Variants in ABHD12 observed in about 807,000 individuals in gnomAD.
ABHD12 encodes lysophosphatidylserine lipase ABHD12.
In ABHD12, 43 loss-of-function variants were observed where a neutral mutation model predicts 58.3. That is an observed-to-expected ratio of 0.74 (90% CI 0.58 to 0.95). The LOEUF (loss-of-function observed/expected upper bound fraction) is 0.95, where lower values mean the gene tolerates loss of function less well. ABHD12 is among the 40% of genes least tolerant of loss of function. ABHD12 has a pLI of 0.00. For missense variants in ABHD12, 539 were observed against 537.2 expected (o/e 1.00, Z -0.03); for synonymous variants, 219 against 211.2 (o/e 1.04, Z -0.32).
chr20:25,340,435 T>C (rs1490846804), intron 1 of ABHD12, among the ~76,000 whole-genome samples: 4 of 152,236 alleles, frequency 2.6e-5, no homozygotes, highest in African/African-American at 9.6e-5. Flanking sequence ...CCACATATCA[T>C]GTGTCATCTG....
intron 2 of ABHD12, among the ~76,000 whole-genome samples, chr20:25,326,896 C>G (rs2089185692): frequency 6.6e-6 from 1 of 152,186 alleles, no homozygotes; most frequent in African/African-American, 2.4e-5. Flanking sequence ...GAATTGCACT[C>G]CTTACCTTAG....
intron 1 of ABHD12, among the ~76,000 whole-genome samples, chr20:25,360,535 C>T (rs539921432): frequency 2.0e-5 from 3 of 151,978 alleles, no homozygotes; most frequent in East Asian, 1.9e-4. Context: ...CACCATGCCC[C>T]GGCCACACAT....
downstream of ABHD12, chr20:25,300,119 G>A: frequency 2.3e-6 from 2 of 866,008 alleles, no homozygotes; most frequent in Non-Finnish European, 2.8e-6. Context: ...CTGAGTCATG[G>A]AGTGGCTCCA....
At chr20:25,387,397 C>T (rs766589826) in intron 1 of ABHD12, among the ~76,000 whole-genome samples, 1 of 151,304 alleles carries the variant, frequency 6.6e-6, no homozygotes, top group South Asian at 2.1e-4. Context: ...CCCATCTCTA[C>T]AAAAAATACA....
chr20:25,345,063 G>A (rs1346471552), intron 1 of ABHD12, among the ~76,000 whole-genome samples: 3 of 151,680 alleles, frequency 2.0e-5, no homozygotes, highest in Non-Finnish European at 4.4e-5. Context: ...AAAAAATTTA[G>A]GTGAACTTGG....
intron 6 of ABHD12, among the ~76,000 whole-genome samples, chr20:25,314,544 T>C (rs1390871663): frequency 6.6e-6 from 1 of 151,992 alleles, no homozygotes; most frequent in Non-Finnish European, 1.5e-5. Context: ...GCGGGTGTGG[T>C]GTCGCATTCC....
intron 1 of ABHD12, among the ~76,000 whole-genome samples, chr20:25,374,204 G>A (rs1287670005): frequency 2.6e-5 from 4 of 152,114 alleles, no homozygotes; most frequent in African/African-American, 9.7e-5. Flanking sequence ...AGGATTACAG[G>A]TGTGCTGGGA....
At chr20:25,326,515 T>C (rs1222145304) in intron 2 of ABHD12, among the ~76,000 whole-genome samples, 1 of 152,228 alleles carries the variant, frequency 6.6e-6, no homozygotes, top group East Asian at 1.9e-4. Flanking sequence ...AACCCATGGC[T>C]GGACTCAGCT....
intron 1 of ABHD12, among the ~76,000 whole-genome samples, chr20:25,361,418 CAG>C (rs2089746136): frequency 6.6e-6 from 1 of 151,732 alleles, no homozygotes; most frequent in African/African-American, 2.4e-5. Context: ...TTTTTTGAGA[CAG>C]AGTCTCACTT....
rs376229046 is a variant in ABHD12, at chr20:25,320,189, T to C, written c.542+10A>G. On this transcript the variant is annotated intron_variant, in intron 4 of 12. Coordinates refer to ENST00000339157, the MANE Select transcript of ABHD12 (RefSeq NM_001042472.3). Reference sequence around the variant, plus strand: ...CTCCACAGCAAAGATGATGGGCTCCTCTCCCTCACCTGGTACCTGCGTTCC... The same window carrying C: ...CTCCACAGCAAAGATGATGGGCTCCCCTCCCTCACCTGGTACCTGCGTTCC... 1 of 1,613,656 alleles carries C rather than the reference T, an allele frequency of 6.2e-7. No homozygotes were observed. The highest frequency in any genetic ancestry group is 8.5e-7 in the Non-Finnish European group (1 of 1,180,000).
chr20:25,310,951 AC>A (rs1475869841), intron 6 of ABHD12, among the ~76,000 whole-genome samples: 5 of 152,168 alleles, frequency 3.3e-5, no homozygotes, highest in African/African-American at 1.2e-4. Flanking sequence ...GGAAGAAGCC[AC>A]TCATTCTCCC....
chr20:25,352,180 TGAG>T (rs921269777), intron 1 of ABHD12, among the ~76,000 whole-genome samples: 27 of 150,768 alleles, frequency 1.8e-4, no homozygotes, highest in African/African-American at 6.6e-4. Flanking sequence ...TTAGTAGAGA[TGAG>T]GTTTCACCAC....
At chr20:25,387,590 T>TAAAAAAAAA (rs57449867) in intron 1 of ABHD12, among the ~76,000 whole-genome samples, 6 of 113,046 alleles carry the variant, frequency 5.3e-5, no homozygotes, top group African/African-American at 6.8e-5. Context: ...TCATCTCTAT[T>TAAAAAAAAA]AAAAAAAAAA....
At chr20:25,389,033 T>C (rs2090134162) in intron 1 of ABHD12, among the ~76,000 whole-genome samples, 1 of 152,178 alleles carries the variant, frequency 6.6e-6, no homozygotes, top group African/African-American at 2.4e-5. Flanking sequence ...CTCGAACTCC[T>C]GACCTCTGAT....
At chr20:25,313,068 C>A (rs1304126133) in intron 6 of ABHD12, among the ~76,000 whole-genome samples, 1 of 152,266 alleles carries the variant, frequency 6.6e-6, no homozygotes, top group Non-Finnish European at 1.5e-5. Flanking sequence ...CCGGCTGCCA[C>A]CCCGTCTGGG....
chr20:25,347,662 T>TA (rs36051321), intron 1 of ABHD12, among the ~76,000 whole-genome samples: 14,043 of 149,696 alleles, frequency 0.094, 688 homozygotes, highest in Non-Finnish European at 0.11. Flanking sequence ...TCTGTCTCTA[T>TA]AAAAAAAAAA....
At chr20:25,324,290 G>A (rs774947556) in intron 2 of ABHD12, among the ~76,000 whole-genome samples, 3 of 152,194 alleles carry the variant, frequency 2.0e-5, no homozygotes. Context: ...ACATGTGGCT[G>A]GGAGGATATA....
intron 2 of ABHD12, among the ~76,000 whole-genome samples, chr20:25,328,217 T>A (rs1018992991): frequency 6.6e-6 from 1 of 152,116 alleles, no homozygotes; most frequent in Non-Finnish European, 1.5e-5. Context: ...CACTTCAGGA[T>A]CTGGAGTGGG....
chr20:25,329,811 G>C (rs879566339), intron 2 of ABHD12, among the ~76,000 whole-genome samples: 2 of 152,186 alleles, frequency 1.3e-5, no homozygotes, highest in Non-Finnish European at 2.9e-5. Flanking sequence ...CCAATTACCT[G>C]ATGCAGGCTT....
Sources: allele counts gnomAD v4.1 joint callset (sites outside exome capture counted in the v4.1 genomes callset), GRCh38; gene constraint gnomAD v4.1.1; transcripts MANE v1.5; gene names NCBI Gene and HGNC (gene_info 2026-07-23, HGNC 2026-07-21).